Variants in ACYP2 observed in about 807,000 individuals in gnomAD.
ACYP2 encodes acylphosphatase 2, also known as acylphosphatase-2.
A neutral mutation model predicts 11.2 loss-of-function variants in ACYP2; 12 were observed. The observed-to-expected ratio is 1.08, with a 90% confidence interval of 0.69 to 1.74. The LOEUF is 1.74. ACYP2 is among the 40% of genes most tolerant of loss of function. ACYP2 has a pLI of 0.00. For synonymous variants in ACYP2, 43 were observed against 32.2 expected, an observed-to-expected ratio of 1.33 and a Z score of -1.13; for missense variants, 134 against 101.9, an observed-to-expected ratio of 1.31 and a Z score of -1.35.
At chr2:54,156,868 A>G (rs1166480237) in intron 6 of ACYP2, among the ~76,000 whole-genome samples, 5 of 152,092 alleles carry the variant, frequency 3.3e-5, no homozygotes, top group Non-Finnish European at 7.4e-5. Context: ...CGGTTTCACC[A>G]TGTTGGCTAG....
chr2:54,276,974 T>G (rs2104102935), intron 6 of ACYP2, among the ~76,000 whole-genome samples: 2 of 152,368 alleles, frequency 1.3e-5, no homozygotes, highest in East Asian at 1.9e-4. Context: ...AAATTCATCT[T>G]CATAAATTTA....
chr2:54,087,856 G>A (rs574001324), intron 4 of ACYP2, among the ~76,000 whole-genome samples: 11 of 152,254 alleles, frequency 7.2e-5, no homozygotes, highest in Admixed American at 2.6e-4. Flanking sequence ...ACAGATTCCC[G>A]AACATGAAAT....
chr2:53,992,403 C>T (rs1672344667), intron 2 of ACYP2, among the ~76,000 whole-genome samples: 1 of 152,148 alleles, frequency 6.6e-6, no homozygotes, highest in South Asian at 2.1e-4. Flanking sequence ...TCTGAATGGA[C>T]TATAGATTAT....
intron 4 of ACYP2, among the ~76,000 whole-genome samples, chr2:54,072,048 G>A (rs925586612): frequency 2.6e-5 from 4 of 152,014 alleles, no homozygotes; most frequent in Non-Finnish European, 5.9e-5. Context: ...TAAATAAAGT[G>A]AAAATGGTGT....
At chr2:54,151,479 A>G (rs1360292398) in intron 6 of ACYP2, among the ~76,000 whole-genome samples, 1 of 151,134 alleles carries the variant, frequency 6.6e-6, no homozygotes, top group African/African-American at 2.5e-5. Flanking sequence ...TTACACAAAT[A>G]GACAGGGTTA....
In ACYP2 at chr2:54,304,911, G is replaced by T; in HGVS notation, c.*109G>T. The T allele has an allele frequency of 7.6e-4, 335 of 438,512 alleles. No homozygotes were observed. Among genetic ancestry groups the T allele is most frequent in the East Asian group, 1.0e-3 (27 of 26,606 alleles). 27.2% of individuals were successfully genotyped at this position (438,512 alleles called of 1,614,324 possible). A position where few individuals can be genotyped will look rare whatever the true frequency, so the allele number is the denominator to read the frequency against. ...AGGGTGAAAAGGAACTTTCTGTTCTGAAAGCTAAGCGACTGTACGTGCTAC... is the reference window on the plus strand; with the variant it reads ...AGGGTGAAAAGGAACTTTCTGTTCTTAAAGCTAAGCGACTGTACGTGCTAC... On this transcript the variant is annotated 3_prime_UTR_variant, in exon 7 of 7. Coordinates refer to ENST00000607452, the MANE Select transcript of ACYP2 (RefSeq NM_001320586.2).
chr2:54,227,722 G>C (rs1254216810), intron 6 of ACYP2, among the ~76,000 whole-genome samples: 3 of 152,060 alleles, frequency 2.0e-5, no homozygotes, highest in Non-Finnish European at 4.4e-5. Context: ...TATCAGAGTG[G>C]TAATACTTTA....
chr2:54,230,834 T>TC (rs939158089), intron 6 of ACYP2, among the ~76,000 whole-genome samples: 1 of 145,890 alleles, frequency 6.9e-6, no homozygotes, highest in African/African-American at 2.6e-5. Flanking sequence ...CTTTTCTTTT[T>TC]TTTTTTTTTT....
intron 6 of ACYP2, among the ~76,000 whole-genome samples, chr2:54,186,846 A>G (rs1684026177): frequency 6.6e-6 from 1 of 152,114 alleles, no homozygotes; most frequent in Non-Finnish European, 1.5e-5. Flanking sequence ...GAAAATTATA[A>G]TTCGTGTTCA....
intron 2 of ACYP2, among the ~76,000 whole-genome samples, chr2:54,050,675 C>A (rs545012042): frequency 6.6e-6 from 1 of 152,128 alleles, no homozygotes; most frequent in Non-Finnish European, 1.5e-5. Context: ...ATACACCGCT[C>A]CAGTGCTGGG....
intron 4 of ACYP2, among the ~76,000 whole-genome samples, chr2:54,094,700 G>A (rs1432508929): frequency 6.6e-6 from 1 of 151,936 alleles, no homozygotes; most frequent in East Asian, 1.9e-4. Flanking sequence ...ACCACGCCCA[G>A]CTAATTTTTG....
chr2:54,111,908 G>A (rs886196736), intron 4 of ACYP2, among the ~76,000 whole-genome samples: 1 of 152,196 alleles, frequency 6.6e-6, no homozygotes, highest in African/African-American at 2.4e-5. Context: ...ATGTGGTGAT[G>A]AATTTGAGAG....
At chr2:54,282,742 T>C (rs1292593553) in intron 6 of ACYP2, among the ~76,000 whole-genome samples, 1 of 152,166 alleles carries the variant, frequency 6.6e-6, no homozygotes, top group Admixed American at 6.5e-5. Flanking sequence ...GGAAGTTTTT[T>C]TTTTCTTAAA....
At chr2:54,139,356 G>C (rs186416162) in intron 6 of ACYP2, among the ~76,000 whole-genome samples, 27 of 152,214 alleles carry the variant, frequency 1.8e-4, no homozygotes, top group Non-Finnish European at 3.2e-4. Context: ...TATTTTTCCT[G>C]CCAATGAGAG....
intron 2 of ACYP2, among the ~76,000 whole-genome samples, chr2:54,048,342 C>T (rs1419854455): frequency 1.3e-5 from 2 of 152,074 alleles, no homozygotes; most frequent in Non-Finnish European, 2.9e-5. Flanking sequence ...GGAAGAATTG[C>T]TTGAACAAGG....
At chr2:54,172,073 C>T (rs1683242547) in intron 6 of ACYP2, among the ~76,000 whole-genome samples, 1 of 151,860 alleles carries the variant, frequency 6.6e-6, no homozygotes, top group Non-Finnish European at 1.5e-5. Context: ...TACAATTAGC[C>T]AAGGATGGTG....
chr2:54,188,428 A>G (rs1684103069), intron 6 of ACYP2, among the ~76,000 whole-genome samples: 1 of 152,194 alleles, frequency 6.6e-6, no homozygotes, highest in Non-Finnish European at 1.5e-5. Flanking sequence ...GGAAATTAGA[A>G]GATGCTCACT....
chr2:54,235,316 G>C (rs1020553571), intron 6 of ACYP2, among the ~76,000 whole-genome samples: 5 of 151,736 alleles, frequency 3.3e-5, no homozygotes, highest in Admixed American at 6.6e-5. Flanking sequence ...GAATCAACCA[G>C]TGAAACCTCC....
At chr2:53,993,268 A>G (rs1672394213) in intron 2 of ACYP2, among the ~76,000 whole-genome samples, 1 of 152,130 alleles carries the variant, frequency 6.6e-6, no homozygotes, top group Admixed American at 6.6e-5. Context: ...ATCAGAAATC[A>G]GAAGTTATTA....
Sources: gnomAD v4.1 joint callset for allele counts (sites outside exome capture counted in the v4.1 genomes callset) on GRCh38, gnomAD v4.1.1 for gene constraint, MANE v1.5 for transcripts, NCBI Gene and HGNC (gene_info 2026-07-23, HGNC 2026-07-21) for gene names.